Variants in HUNK observed in about 807,000 individuals in gnomAD.
The protein encoded by HUNK is hormonally up-regulated Neu-associated kinase.
Under a neutral mutation model 61.0 loss-of-function variants are expected in HUNK, and 21 were observed. The ratio of observed to expected loss-of-function variants is 0.34; its 90% CI spans 0.24 to 0.50. HUNK has a LOEUF of 0.50. Among genes scored for constraint, HUNK ranks in the 20% least tolerant of loss-of-function variants. The pLI is 0.98. For synonymous variants in HUNK, 371 were observed against 386.1 expected (o/e 0.96, Z 0.46); for missense variants, 772 against 945.7 (o/e 0.82, Z 2.41).
chr21:31,990,593 T>C (rs941238250), intron 9 of HUNK, among the ~76,000 whole-genome samples: 5 of 151,876 alleles, frequency 3.3e-5, no homozygotes, highest in South Asian at 4.2e-4. Context: ...TGGAGTGCAA[T>C]GTTGTGATCT....
intron 5 of HUNK, among the ~76,000 whole-genome samples, chr21:31,962,424 A>G (rs948060834): frequency 2.6e-5 from 4 of 152,206 alleles, no homozygotes; most frequent in Middle Eastern, 3.2e-3. Flanking sequence ...TTTTTTGTGA[A>G]AATTAAATTT....
chr21:31,888,502 C>T (rs759933750), intron 1 of HUNK, among the ~76,000 whole-genome samples: 27 of 152,064 alleles, frequency 1.8e-4, no homozygotes, highest in Non-Finnish European at 3.5e-4. Context: ...TTTGGGAGGC[C>T]GAGGCGGGCA....
At chr21:31,917,299 C>T (rs2052590076) in intron 1 of HUNK, among the ~76,000 whole-genome samples, 1 of 151,582 alleles carries the variant, frequency 6.6e-6, no homozygotes, top group African/African-American at 2.4e-5. Flanking sequence ...CTCAAGCGAT[C>T]CTCTCACCTC....
At chr21:31,922,946 C>G (rs760943276) in intron 1 of HUNK, among the ~76,000 whole-genome samples, 1 of 152,276 alleles carries the variant, frequency 6.6e-6, no homozygotes, top group Non-Finnish European at 1.5e-5. Flanking sequence ...GGCTCCATAG[C>G]TGTGTATGAA....
intron 5 of HUNK, among the ~76,000 whole-genome samples, chr21:31,962,082 G>C (rs2052932978): frequency 6.6e-6 from 1 of 152,236 alleles, no homozygotes; most frequent in African/African-American, 2.4e-5. Flanking sequence ...CATGCAGAGG[G>C]AGAAAGGGAA....
At chr21:31,936,655 T>C (rs2052734795) in intron 2 of HUNK, among the ~76,000 whole-genome samples, 2 of 152,228 alleles carry the variant, frequency 1.3e-5, no homozygotes, top group Admixed American at 1.3e-4. Context: ...TATTTTTTTC[T>C]CAGTTTGCCT....
At chr21:31,976,179 G>A (rs959370201) in intron 7 of HUNK, among the ~76,000 whole-genome samples, 1 of 152,164 alleles carries the variant, frequency 6.6e-6, no homozygotes, top group African/African-American at 2.4e-5. Flanking sequence ...CTCTCTGATG[G>A]GGACAGAGTC....
chr21:31,954,808 G>A (rs35868776), intron 4 of HUNK, among the ~76,000 whole-genome samples: 15,668 of 152,048 alleles, frequency 0.1, 1,159 homozygotes, highest in Non-Finnish European at 0.16. Context: ...AAGAGTCAGG[G>A]TCTTGCTCTG....
chr21:31,977,114 C>A (rs1322226111), intron 7 of HUNK, among the ~76,000 whole-genome samples: 1 of 152,126 alleles, frequency 6.6e-6, no homozygotes, highest in East Asian at 1.9e-4. Flanking sequence ...AAACTTCTTT[C>A]TCATACTTTA....
chr21:31,888,513 G>T (rs1002192170), intron 1 of HUNK, among the ~76,000 whole-genome samples: 4 of 152,330 alleles, frequency 2.6e-5, no homozygotes, highest in Non-Finnish European at 4.4e-5. Flanking sequence ...GAGGCGGGCA[G>T]ATCACTTGAG....
intron 4 of HUNK, among the ~76,000 whole-genome samples, chr21:31,955,565 T>C (rs1264176189): frequency 1.3e-5 from 2 of 152,196 alleles, no homozygotes; most frequent in African/African-American, 2.4e-5. Flanking sequence ...TACTCCAGCC[T>C]GGGCGATGGA....
At chr21:31,998,269 T>A (rs1370941610) in intron 10 of HUNK, among the ~76,000 whole-genome samples, 1 of 152,174 alleles carries the variant, frequency 6.6e-6, no homozygotes, top group African/African-American at 2.4e-5. Context: ...GCTGGGGCCA[T>A]GAGGCAAATT....
chr21:31,893,570 T>A (rs1296574819), intron 1 of HUNK, among the ~76,000 whole-genome samples: 3 of 152,188 alleles, frequency 2.0e-5, no homozygotes, highest in Non-Finnish European at 2.9e-5. Context: ...CTGGGATTGA[T>A]GACATCGTGG....
chr21:31,903,162 A>G (rs985959373), intron 1 of HUNK, among the ~76,000 whole-genome samples: 5 of 152,118 alleles, frequency 3.3e-5, no homozygotes, highest in Admixed American at 3.3e-4. Context: ...AATTCAGAGC[A>G]TGGGGCCCAG....
intron 1 of HUNK, among the ~76,000 whole-genome samples, chr21:31,906,555 A>G (rs1032223683): frequency 8.6e-5 from 13 of 152,028 alleles, no homozygotes; most frequent in African/African-American, 3.1e-4. Flanking sequence ...TCAGCCTCCC[A>G]AGTAGCTGGG....
intron 1 of HUNK, among the ~76,000 whole-genome samples, chr21:31,914,408 CAAAAAAA>C (rs35023797): frequency 7.5e-5 from 3 of 39,826 alleles, no homozygotes; most frequent in South Asian, 1.7e-3. Context: ...AACTCTGTCT[CAAAAAAA>C]AAAAAAAAAA....
intron 4 of HUNK, among the ~76,000 whole-genome samples, chr21:31,947,294 C>T (rs1406133442): frequency 7.0e-6 from 1 of 143,616 alleles, no homozygotes; most frequent in African/African-American, 2.7e-5. Flanking sequence ...GGGCTCAAGC[C>T]AGTGGCGCCT....
intron 4 of HUNK, among the ~76,000 whole-genome samples, chr21:31,953,323 C>A (rs74852828): frequency 0.022 from 3,327 of 151,658 alleles, 111 homozygotes; most frequent in African/African-American, 0.076. Context: ...CAACCTCCAA[C>A]TCCCGGGTTC....
chr21:31,916,367 G>A (rs1276279278), intron 1 of HUNK, among the ~76,000 whole-genome samples: 3 of 151,924 alleles, frequency 2.0e-5, no homozygotes, highest in African/African-American at 7.3e-5. Flanking sequence ...CTTTCTTTAT[G>A]TACATTATCT....
Sources: allele counts gnomAD v4.1 joint callset (sites outside exome capture counted in the v4.1 genomes callset), GRCh38; gene constraint gnomAD v4.1.1; transcripts MANE v1.5; gene names NCBI Gene and HGNC (gene_info 2026-07-23, HGNC 2026-07-21).